TNIK: variants seen among roughly 807,000 people sequenced by gnomAD.
TNIK encodes the protein TRAF2 and NCK interacting kinase.
Under a neutral mutation model 191.3 loss-of-function variants are expected in TNIK, and 49 were observed. The observed-to-expected ratio is 0.26, with a 90% CI of 0.20 to 0.32. The LOEUF (loss-of-function observed/expected upper bound fraction) is 0.32, where lower values mean the gene tolerates loss of function less well. Among genes scored for constraint, TNIK ranks in the 10% least tolerant of loss-of-function variants. The pLI is 1.00. For missense variants in TNIK, 1,155 were observed against 1,702.3 expected, an observed-to-expected ratio of 0.68 and a Z score of 5.66; for synonymous variants, 594 against 600.9, an observed-to-expected ratio of 0.99 and a Z score of 0.17.
At position 171,157,506 on chromosome 3, in the gene TNIK, T is replaced by C; in HGVS notation, c.1175A>G (p.Gln392Arg). Residue 392 changes from glutamine to arginine, a missense_variant, in exon 12 of 33, where the codon CAG becomes CGG. Transcript: ENST00000436636. ...CTCTTTCTGCTCCTCGATGCGCTTC[T>C]GACGCTCGGCCAGCAGCTGCCGCTT... Reference protein sequence around the residue: ...EHKRQLLAERQKRIEEQKEQR... With the variant: ...EHKRQLLAERRKRIEEQKEQR... 1 of 1,576,072 alleles carries C rather than the reference T, an allele frequency of 6.3e-7. No individual in the cohort carries two copies. Among genetic ancestry groups the C allele is most frequent in the Non-Finnish European group, 8.6e-7 (1 of 1,161,390 alleles).
chr3:171,442,145 C>A (rs1296453569), intron 1 of TNIK, among the ~76,000 whole-genome samples: 6 of 152,194 alleles, frequency 3.9e-5, no homozygotes, highest in African/African-American at 1.4e-4. Context: ...GGGACAAAAT[C>A]CTGATTGTGA....
At chr3:171,156,468 A>G (rs1254260277) in intron 12 of TNIK, among the ~76,000 whole-genome samples, 1 of 152,224 alleles carries the variant, frequency 6.6e-6, no homozygotes, top group African/African-American at 2.4e-5. Context: ...GGTGTTCGGG[A>G]AACCTGTAAA....
chr3:171,118,397 C>A (rs1013325854), intron 18 of TNIK, among the ~76,000 whole-genome samples: 1 of 152,198 alleles, frequency 6.6e-6, no homozygotes, highest in Non-Finnish European at 1.5e-5. Context: ...CCATCCCCAT[C>A]AAGCTACCAA....
chr3:171,207,486 C>T (rs1740243602), intron 4 of TNIK, among the ~76,000 whole-genome samples: 1 of 152,032 alleles, frequency 6.6e-6, no homozygotes, highest in Admixed American at 6.6e-5. Context: ...AGACATGAGC[C>T]ACCATGCCCA....
intron 2 of TNIK, among the ~76,000 whole-genome samples, chr3:171,233,614 G>A (rs1743932445): frequency 1.3e-5 from 2 of 152,186 alleles, no homozygotes; most frequent in African/African-American, 2.4e-5. Context: ...CCTGGAGAAA[G>A]GTGAAGGATG....
chr3:171,320,399 C>G (rs533590081), intron 2 of TNIK, among the ~76,000 whole-genome samples: 2 of 152,226 alleles, frequency 1.3e-5, no homozygotes, highest in South Asian at 4.1e-4. Context: ...AGAAAATACA[C>G]AGGAAAATGA....
rs571535367 is a variant in TNIK at position 171,452,066 on chromosome 3, T to A, written c.57+7941A>T. Among the ~76,000 whole-genome samples, 6 of 152,318 alleles carry A rather than the reference T, an allele frequency of 3.9e-5. No individual in the cohort carries two copies. The East Asian group carries it at 1.2e-3, about 29-fold the overall frequency. ...TAACTAGAGAGACAGCACTTTAAAA[T>A]CTAGGGTTACTTCAGAGTCTAAATC... On this transcript the variant is annotated intron_variant, in intron 1 of 32. Coordinates refer to ENST00000436636, the MANE Select transcript of TNIK (RefSeq NM_015028.4).
At position 171,459,997 on chromosome 3, in the gene TNIK, T is replaced by A. The variant is rs779315315; in HGVS notation, c.57+10A>T. 6 of 1,606,358 alleles carry A rather than the reference T, an allele frequency of 3.7e-6. No individual in the cohort carries two copies. Among genetic ancestry groups the A allele is most frequent in the Non-Finnish European group, 5.1e-6 (6 of 1,176,600 alleles). ...ACCACTGGAAAGAAACCAGAAAACG[T>A]CCTGCTCACCCTCAGAGCCGAGAGA... On this transcript the variant is annotated intron_variant, in intron 1 of 32. Transcript: ENST00000436636.
chr3:171,277,077 T>A (rs1444546383), intron 2 of TNIK, among the ~76,000 whole-genome samples: 2 of 152,192 alleles, frequency 1.3e-5, no homozygotes, highest in African/African-American at 4.8e-5. Flanking sequence ...TTAAAGTGAT[T>A]ATTTCAGGGG....
Position 171,157,579 on chromosome 3 carries a change from G to C in TNIK, c.1102C>G (p.Leu368Val), listed in dbSNP as rs748871765. The stretch of plus-strand genomic sequence containing the variant: ...TGCTGCTCCAGCTGCTGCCTCCGTA[G>C]GGCCTCAGAACGCTCCTTGTTGGCC... ...QLANKERSEA[L>V]RRQQLEQQQR... is the part of the protein sequence containing the mutation. The change falls in exon 12 of 33, where the codon CTA (leucine) becomes GTA (valine). Residue 368 changes from leucine (L) to valine (V), a missense_variant. This residue lies in a region of TNIK where 735 missense variants were observed against 848.0 expected (regional missense o/e 0.87). Transcript: ENST00000436636. 14 of 1,558,658 alleles carry C rather than the reference G, an allele frequency of 9.0e-6. No individual in the cohort carries two copies. The highest frequency in any genetic ancestry group is 1.2e-5 in the South Asian group (1 of 84,292).
intron 5 of TNIK, among the ~76,000 whole-genome samples, chr3:171,193,574 G>A (rs1025687374): frequency 6.6e-6 from 1 of 152,048 alleles, no homozygotes; most frequent in African/African-American, 2.4e-5. Context: ...TGCCTAATTT[G>A]GTTTGCATTT....
At chr3:171,422,602 A>C (rs1478430967) in intron 1 of TNIK, among the ~76,000 whole-genome samples, 1 of 152,218 alleles carries the variant, frequency 6.6e-6, no homozygotes, top group East Asian at 1.9e-4. Context: ...ACTTTTGGAA[A>C]TCATGCATTC....
chr3:171,082,452 C>T (rs764721577), intron 26 of TNIK, 58 bp from the exon 27 acceptor site: 26 of 1,563,716 alleles, frequency 1.7e-5, no homozygotes, highest in South Asian at 4.9e-5. Flanking sequence ...TCTTCTGCAT[C>T]GAGAGTCCCT....
intron 2 of TNIK, among the ~76,000 whole-genome samples, chr3:171,234,433 G>T (rs1744023939): frequency 6.6e-6 from 1 of 152,200 alleles, no homozygotes; most frequent in African/African-American, 2.4e-5. Context: ...GGTAAAGCAA[G>T]GTACCGACTC....
intron 4 of TNIK, among the ~76,000 whole-genome samples, chr3:171,202,073 G>A (rs1206787079): frequency 2.0e-5 from 3 of 152,140 alleles, no homozygotes; most frequent in South Asian, 2.1e-4. Context: ...TGCTCAAGTC[G>A]CCTATGTCTC....
At chr3:171,137,047 T>C in intron 15 of TNIK, among the ~76,000 whole-genome samples, 1 of 145,808 alleles carries the variant, frequency 6.9e-6, no homozygotes. Flanking sequence ...CACAAAAAAA[T>C]ACATGATCAC....
At chr3:171,165,607 A>C (rs556567771) in intron 10 of TNIK, among the ~76,000 whole-genome samples, 16 of 152,256 alleles carry the variant, frequency 1.1e-4, no homozygotes, top group African/African-American at 3.9e-4. Context: ...GGAAATGCAA[A>C]TAACAGAAAG....
intron 2 of TNIK, among the ~76,000 whole-genome samples, chr3:171,238,144 G>A (rs543069962): frequency 1.3e-5 from 2 of 152,246 alleles, no homozygotes; most frequent in East Asian, 1.9e-4. Flanking sequence ...CTCTGGGAAG[G>A]AGGGTGAGAG....
At chr3:171,444,112 A>G (rs1560082157) in intron 1 of TNIK, among the ~76,000 whole-genome samples, 1 of 152,222 alleles carries the variant, frequency 6.6e-6, no homozygotes, top group Non-Finnish European at 1.5e-5. Context: ...TCAGTTGTAT[A>G]TAAAGTTGCT....
Sources: allele counts gnomAD v4.1 joint callset (sites outside exome capture counted in the v4.1 genomes callset), GRCh38; gene constraint gnomAD v4.1.1; regional missense constraint gnomAD v4.1.1; transcripts MANE v1.5; gene names NCBI Gene and HGNC (gene_info 2026-07-23, HGNC 2026-07-21).